PPP1R14C: variants seen among roughly 807,000 people sequenced by gnomAD.
PPP1R14C encodes the protein protein phosphatase 1 regulatory inhibitor subunit 14C.
PPP1R14C carries 16 observed loss-of-function variants against 20.4 expected under a neutral mutation model. That is an observed-to-expected ratio of 0.78 (90% CI 0.53 to 1.19). The LOEUF is 1.19. Ranked by LOEUF, PPP1R14C falls within the 50% of genes most tolerant of loss-of-function variation. PPP1R14C has a pLI of 0.00. For synonymous variants in PPP1R14C, 91 were observed against 91.0 expected (o/e 1.00, Z 0.00); for missense variants, 211 against 220.1 (o/e 0.96, Z 0.26).
chr6:150,154,920 T>A (rs1024235005), intron 1 of PPP1R14C, among the ~76,000 whole-genome samples: 3 of 152,248 alleles, frequency 2.0e-5, no homozygotes, highest in Non-Finnish European at 2.9e-5. Flanking sequence ...TTAATTGGGT[T>A]AACTTTTAAG....
chr6:150,151,831 C>G lies in PPP1R14C; in HGVS notation c.306+8333C>G, dbSNP rs564879711. Among the ~76,000 whole-genome samples, 39 of 152,278 alleles carry G rather than the reference C, an allele frequency of 2.6e-4. 1 individual carries two copies. Among genetic ancestry groups the G allele is most frequent in the African/African-American group, 9.4e-4 (39 of 41,580 alleles). On this transcript the variant is annotated intron_variant, in intron 1 of 3. Transcript: ENST00000361131. ...TCCCAGTAGCTCCATTTAAGAAGTG[C>G]TGATTGCGGCCGGGCGCGGTGGCTC...
intron 3 of PPP1R14C, among the ~76,000 whole-genome samples, chr6:150,235,818 GA>G: frequency 6.6e-6 from 1 of 152,312 alleles, no homozygotes; most frequent in East Asian, 1.9e-4. Context: ...CCCTTGGGAA[GA>G]GGCTACGGGC....
intron 1 of PPP1R14C, among the ~76,000 whole-genome samples, chr6:150,202,967 T>C (rs1322087662): frequency 6.6e-6 from 1 of 152,258 alleles, no homozygotes; most frequent in African/African-American, 2.4e-5. Context: ...GGTTGTCCTT[T>C]TTCTTAACAT....
intron 1 of PPP1R14C, among the ~76,000 whole-genome samples, chr6:150,144,103 G>A (rs1777155464): frequency 6.6e-6 from 1 of 152,250 alleles, no homozygotes; most frequent in Non-Finnish European, 1.5e-5. Context: ...CATTATCAGA[G>A]CTGCACACGT....
At chr6:150,160,094 C>T (rs1777347893) in intron 1 of PPP1R14C, among the ~76,000 whole-genome samples, 1 of 152,074 alleles carries the variant, frequency 6.6e-6, no homozygotes, top group Admixed American at 6.6e-5. Context: ...ACACTTTTAT[C>T]ACATTCTGTG....
At chr6:150,220,796 G>A (rs1196076508) in intron 3 of PPP1R14C, among the ~76,000 whole-genome samples, 1 of 152,162 alleles carries the variant, frequency 6.6e-6, no homozygotes, top group East Asian at 1.9e-4. Context: ...GTTTTATAAT[G>A]TCTAGGGAAC....
chr6:150,222,684 A>G (rs1778183362), intron 3 of PPP1R14C, among the ~76,000 whole-genome samples: 2 of 150,142 alleles, frequency 1.3e-5, no homozygotes, highest in Admixed American at 6.7e-5. Flanking sequence ...TCAGAATGTC[A>G]TATCTTTGGA....
chr6:150,226,450 G>C (rs1419466343), intron 3 of PPP1R14C, among the ~76,000 whole-genome samples: 1 of 152,164 alleles, frequency 6.6e-6, no homozygotes, highest in Non-Finnish European at 1.5e-5. Flanking sequence ...CTGCTAGCCA[G>C]ACTTAGGAGG....
At chr6:150,228,952 G>A (rs1377712433) in intron 3 of PPP1R14C, among the ~76,000 whole-genome samples, 1 of 152,102 alleles carries the variant, frequency 6.6e-6, no homozygotes, top group Non-Finnish European at 1.5e-5. Context: ...CGATAGAGGA[G>A]GCACAAGCTT....
At chr6:150,150,400 G>A (rs188745088) in intron 1 of PPP1R14C, among the ~76,000 whole-genome samples, 209 of 152,082 alleles carry the variant, frequency 1.4e-3, no homozygotes, top group African/African-American at 4.7e-3. Flanking sequence ...CTCCTAACGT[G>A]CCCCTGCTAC....
At chr6:150,147,467 C>T (rs1018126846) in intron 1 of PPP1R14C, among the ~76,000 whole-genome samples, 7 of 151,930 alleles carry the variant, frequency 4.6e-5, no homozygotes, top group African/African-American at 9.7e-5. Context: ...CATGAGCCAC[C>T]GCGCCCAGCC....
intron 1 of PPP1R14C, among the ~76,000 whole-genome samples, chr6:150,157,795 G>GCACC (rs1266509923): frequency 6.6e-6 from 1 of 152,220 alleles, no homozygotes; most frequent in African/African-American, 2.4e-5. Context: ...CTCACTCACT[G>GCACC]TAGTGAGAAC....
At chr6:150,246,298 T>G (rs779339581) in intron 3 of PPP1R14C, among the ~76,000 whole-genome samples, 4 of 152,106 alleles carry the variant, frequency 2.6e-5, no homozygotes, top group Non-Finnish European at 4.4e-5. Context: ...TTTTTGACCT[T>G]TGCTTTAAAA....
chr6:150,203,112 T>C (rs1777898730), intron 1 of PPP1R14C, among the ~76,000 whole-genome samples: 1 of 152,166 alleles, frequency 6.6e-6, no homozygotes, highest in African/African-American at 2.4e-5. Flanking sequence ...TGTGTGTCAT[T>C]TTCCTCTAAT....
At chr6:150,165,849 T>G (rs927226642) in intron 1 of PPP1R14C, among the ~76,000 whole-genome samples, 1 of 152,222 alleles carries the variant, frequency 6.6e-6, no homozygotes, top group Non-Finnish European at 1.5e-5. Context: ...AAAATAAATG[T>G]GAAGTGCAGT....
intron 3 of PPP1R14C, among the ~76,000 whole-genome samples, chr6:150,242,078 T>C (rs9384279): frequency 0.53 from 80,877 of 151,770 alleles, 23,039 homozygotes; most frequent in African/African-American, 0.75. Context: ...TCTTAATAGG[T>C]ATAACCTTTC....
At chr6:150,162,732 C>T (rs1025432606) in intron 1 of PPP1R14C, among the ~76,000 whole-genome samples, 6 of 152,144 alleles carry the variant, frequency 3.9e-5, no homozygotes, top group African/African-American at 1.4e-4. Context: ...GTGCTAGGGA[C>T]ACAGGTGCTT....
chr6:150,209,983 CTG>C (rs1418703084), intron 1 of PPP1R14C, among the ~76,000 whole-genome samples: 2 of 148,536 alleles, frequency 1.3e-5, no homozygotes, highest in Non-Finnish European at 3.0e-5. Flanking sequence ...GTGTGTATGT[CTG>C]TGTATATATT....
intron 3 of PPP1R14C, among the ~76,000 whole-genome samples, chr6:150,234,848 CAAAAAAAAA>C (rs56139981): frequency 0.043 from 1,813 of 41,846 alleles, 15 homozygotes; most frequent in Non-Finnish European, 0.057. Flanking sequence ...GACTCTGTCT[CAAAAAAAAA>C]AAAAAAAAAA....
Sources: gnomAD v4.1 joint callset for allele counts (sites outside exome capture counted in the v4.1 genomes callset) on GRCh38, gnomAD v4.1.1 for gene constraint, MANE v1.5 for transcripts, NCBI Gene and HGNC (gene_info 2026-07-23, HGNC 2026-07-21) for gene names.